The following AGBL4 variants were observed in gnomAD, a reference collection of about 807,000 sequenced individuals.
The protein encoded by AGBL4 is AGBL carboxypeptidase 4, also known as cytosolic carboxypeptidase 6.
In AGBL4, 58 loss-of-function variants were observed where a neutral mutation model predicts 66.4. That is an observed-to-expected ratio of 0.87 (90% CI 0.71 to 1.09). AGBL4 has a LOEUF of 1.09. Among genes scored for constraint, AGBL4 ranks in the 50% least tolerant of loss-of-function variants. The probability of loss-of-function intolerance (pLI) is 0.00; values close to 1 mark genes in which losing one functional copy is unlikely to be tolerated. For missense variants in AGBL4, 579 were observed against 631.0 expected (o/e 0.92, Z 0.88); for synonymous variants, 234 against 222.9 (o/e 1.05, Z -0.44).
chr1:48,599,139 T>C (rs968208817), intron 9 of AGBL4, among the ~76,000 whole-genome samples: 1 of 152,204 alleles, frequency 6.6e-6, no homozygotes, highest in African/African-American at 2.4e-5. Context: ...ATAACATGCA[T>C]GAAGCTGTCA....
At chr1:49,350,304 C>T (rs1254694885) in intron 3 of AGBL4, among the ~76,000 whole-genome samples, 1 of 149,514 alleles carries the variant, frequency 6.7e-6, no homozygotes, top group Non-Finnish European at 1.5e-5. Flanking sequence ...CCCGGGTTCA[C>T]GCCATTCTCC....
rs559188921 is a variant in AGBL4, at chr1:48,874,625, G to A, written c.595-7395C>T. 5.3e-5 allele frequency among the ~76,000 whole-genome samples: 8 copies of A among 152,124 alleles called. No individual in the cohort carries two copies. In the East Asian group the frequency reaches 1.5e-3, roughly 29 times the overall value. On this transcript the variant is annotated intron_variant, in intron 5 of 13. Transcript: ENST00000371839. Reference sequence around the variant, plus strand: ...TTTACATCCAAATATTACATACTTGGAAAACAAACCAAAAATACCTATTAT... The same window carrying A: ...TTTACATCCAAATATTACATACTTGAAAAACAAACCAAAAATACCTATTAT...
At position 49,055,807 on chromosome 1, in the gene AGBL4, C is replaced by A. The variant is rs540400161; in HGVS notation, c.378-10007G>T. ...TTTAGATTAAATTCTATTTTTAAAA[C>A]TAGATTTTGAAAATAATTATTTTGT... On this transcript the variant is annotated intron_variant, in intron 4 of 13. Coordinates refer to ENST00000371839, the MANE Select transcript of AGBL4 (RefSeq NM_032785.4). Among the ~76,000 whole-genome samples, 149 of 152,094 alleles carry A rather than the reference C, an allele frequency of 9.8e-4. 1 individual carries two copies. The highest frequency in any genetic ancestry group is 1.5e-3 in the South Asian group (7 of 4,816).
intron 1 of AGBL4, among the ~76,000 whole-genome samples, chr1:49,949,168 T>A (rs1655836394): frequency 6.6e-6 from 1 of 151,658 alleles, no homozygotes; most frequent in South Asian, 2.1e-4. Flanking sequence ...GATCCTCATC[T>A]CTCATCTTAT....
chr1:49,559,711 A>C (rs1397939437), intron 3 of AGBL4, among the ~76,000 whole-genome samples: 1 of 152,110 alleles, frequency 6.6e-6, no homozygotes, highest in Non-Finnish European at 1.5e-5. Flanking sequence ...TTGAACTTAC[A>C]CCAGTGGTTT....
At chr1:48,535,256 A>T (rs1643950583) in intron 12 of AGBL4, among the ~76,000 whole-genome samples, 2 of 152,028 alleles carry the variant, frequency 1.3e-5, no homozygotes, top group African/African-American at 4.8e-5. Flanking sequence ...AAGGCAAAAC[A>T]TCCCATACCT....
chr1:49,452,531 T>G (rs1570750461), intron 3 of AGBL4, among the ~76,000 whole-genome samples: 1 of 152,000 alleles, frequency 6.6e-6, no homozygotes, highest in East Asian at 1.9e-4. Context: ...AATAGTCTCT[T>G]AGCACACAGT....
At chr1:49,131,148 C>T (rs1645886187) in intron 4 of AGBL4, among the ~76,000 whole-genome samples, 2 of 151,964 alleles carry the variant, frequency 1.3e-5, no homozygotes, top group Non-Finnish European at 2.9e-5. Context: ...AATATATATT[C>T]TATATTTCCA....
chr1:48,598,247 G>A (rs1645025508), intron 9 of AGBL4, among the ~76,000 whole-genome samples: 1 of 152,130 alleles, frequency 6.6e-6, no homozygotes. Flanking sequence ...TTTTAGGGGG[G>A]CATGAATGAG....
At chr1:48,761,400 A>G in intron 6 of AGBL4, 1 of 1,551,598 alleles carries the variant, frequency 6.4e-7, no homozygotes, top group Non-Finnish European at 8.7e-7. Context: ...CTTCTTCTAC[A>G]TGATTAAGAG....
chr1:48,825,883 G>A (rs953484087), intron 6 of AGBL4, among the ~76,000 whole-genome samples: 2 of 152,150 alleles, frequency 1.3e-5, no homozygotes, highest in African/African-American at 4.8e-5. Context: ...AGGTGCTTAA[G>A]CAGGGAAGTC....
intron 4 of AGBL4, among the ~76,000 whole-genome samples, chr1:49,146,461 C>T (rs1024070876): frequency 6.6e-6 from 1 of 152,164 alleles, no homozygotes; most frequent in African/African-American, 2.4e-5. Context: ...TGGGGGATCA[C>T]AGAATCCATG....
At chr1:49,719,814 G>A (rs1030746450) in intron 2 of AGBL4, among the ~76,000 whole-genome samples, 4 of 151,980 alleles carry the variant, frequency 2.6e-5, no homozygotes, top group South Asian at 4.1e-4. Flanking sequence ...TGATGTGAGC[G>A]AGTTCACATG....
chr1:49,216,495 G>T (rs866224809), intron 4 of AGBL4, among the ~76,000 whole-genome samples: 1 of 152,114 alleles, frequency 6.6e-6, no homozygotes, highest in Non-Finnish European at 1.5e-5. Context: ...ACTTATAAGT[G>T]AGAACATACA....
chr1:49,947,539 A>G (rs1655328398), intron 1 of AGBL4, among the ~76,000 whole-genome samples: 1 of 151,762 alleles, frequency 6.6e-6, no homozygotes, highest in Non-Finnish European at 1.5e-5. Context: ...CAAAGGACAT[A>G]TCTCGTTGTA....
At chr1:49,923,193 C>T (rs933609273) in intron 1 of AGBL4, among the ~76,000 whole-genome samples, 15 of 152,042 alleles carry the variant, frequency 9.9e-5, no homozygotes, top group African/African-American at 3.1e-4. Flanking sequence ...CTTTGACAAA[C>T]CTGACAAAAA....
intron 3 of AGBL4, among the ~76,000 whole-genome samples, chr1:49,607,663 T>C (rs1571161994): frequency 6.6e-6 from 1 of 152,132 alleles, no homozygotes; most frequent in Admixed American, 6.6e-5. Flanking sequence ...CAGTGTGTCT[T>C]TAGTCTATAC....
chr1:49,350,568 G>A (rs1255424280), intron 3 of AGBL4, among the ~76,000 whole-genome samples: 1 of 152,172 alleles, frequency 6.6e-6, no homozygotes, highest in African/African-American at 2.4e-5. Context: ...GAGGTGAGGT[G>A]GTTGTTTTTG....
chr1:49,051,981 A>G (rs1644224498), intron 4 of AGBL4, among the ~76,000 whole-genome samples: 1 of 152,046 alleles, frequency 6.6e-6, no homozygotes, highest in Non-Finnish European at 1.5e-5. Context: ...TGCCAGCTGA[A>G]TTTTTGATAA....
Sources: gnomAD v4.1 joint callset for allele counts (sites outside exome capture counted in the v4.1 genomes callset) on GRCh38, gnomAD v4.1.1 for gene constraint, MANE v1.5 for transcripts, NCBI Gene and HGNC (gene_info 2026-07-23, HGNC 2026-07-21) for gene names.